ZDHHC17: variants seen among roughly 807,000 people sequenced by gnomAD.
The protein encoded by ZDHHC17 is zDHHC palmitoyltransferase 17.
In ZDHHC17, 40 loss-of-function variants were observed where a neutral mutation model predicts 90.3. The observed-to-expected ratio is 0.44, with a 90% CI of 0.34 to 0.58. ZDHHC17 has a LOEUF of 0.58. ZDHHC17 is among the 20% of genes least tolerant of loss of function. ZDHHC17 has a pLI of 0.01. For missense variants in ZDHHC17, 614 were observed against 780.8 expected (o/e 0.79, Z 2.55); for synonymous variants, 235 against 252.4 (o/e 0.93, Z 0.65).
At chr12:76,821,111 G>A (rs1261498651) in intron 7 of ZDHHC17, 5 of 1,288,128 alleles carry the variant, frequency 3.9e-6, no homozygotes, top group South Asian at 2.5e-5. Context: ...CAGCTGGACC[G>A]AGGCAACTGC....
intron 1 of ZDHHC17, among the ~76,000 whole-genome samples, chr12:76,780,004 A>G (rs898777794): frequency 6.6e-6 from 1 of 151,920 alleles, no homozygotes; most frequent in African/African-American, 2.4e-5. Context: ...TGTTTCATTG[A>G]TTTATGTATT....
intron 1 of ZDHHC17, among the ~76,000 whole-genome samples, chr12:76,782,694 G>T (rs1344810803): frequency 6.6e-6 from 1 of 152,154 alleles, no homozygotes; most frequent in East Asian, 1.9e-4. Flanking sequence ...GGGAAGTCTT[G>T]TCAGAGAAAG....
intron 10 of ZDHHC17, among the ~76,000 whole-genome samples, chr12:76,835,293 T>C (rs951723068): frequency 6.6e-6 from 1 of 152,090 alleles, no homozygotes; most frequent in African/African-American, 2.4e-5. Flanking sequence ...TCAAGTGATC[T>C]ACCTGCTGTG....
At chr12:76,764,374 G>A in intron 1 of ZDHHC17, 45 bp downstream of exon 1, 1 of 1,525,310 alleles carries the variant, frequency 6.6e-7, no homozygotes, top group Non-Finnish European at 8.9e-7. Flanking sequence ...CGGCCCTCCA[G>A]CCTTTCTTCC....
intron 1 of ZDHHC17, among the ~76,000 whole-genome samples, chr12:76,782,027 G>C (rs1952632917): frequency 6.6e-6 from 1 of 152,184 alleles, no homozygotes; most frequent in Admixed American, 6.5e-5. Flanking sequence ...GCATTATAAA[G>C]AGATGGTGTT....
rs752887312 is a variant in ZDHHC17 at position 76,815,222 on chromosome 12, C to G, written c.608+12C>G. On this transcript the variant is annotated intron_variant, in intron 6 of 16. Coordinates refer to ENST00000426126, the MANE Select transcript of ZDHHC17 (RefSeq NM_015336.4). ...TATAGAACACATAGGTATGTAATGA[C>G]TATAAAAAACTTATTTAGGCCATTT... is the stretch of plus-strand genomic sequence containing the variant. 3 of 1,531,722 alleles carry G rather than the reference C, an allele frequency of 2.0e-6. No individual in the cohort carries two copies. In the Admixed American group the frequency reaches 6.1e-5, roughly 31 times the overall value. 94.9% of individuals were successfully genotyped at this position (1,531,722 alleles called of 1,614,324 possible). A position where few individuals can be genotyped will look rare whatever the true frequency, so the allele number is the denominator to read the frequency against.
intron 7 of ZDHHC17, among the ~76,000 whole-genome samples, chr12:76,817,327 A>T (rs1357237925): frequency 2.6e-5 from 4 of 152,070 alleles, no homozygotes; most frequent in African/African-American, 9.7e-5. Context: ...TTTTTATCTG[A>T]ATTCAGAGTG....
intron 1 of ZDHHC17, among the ~76,000 whole-genome samples, chr12:76,776,944 T>C: frequency 6.6e-6 from 1 of 152,240 alleles, no homozygotes; most frequent in East Asian, 1.9e-4. Flanking sequence ...TTTCTTGAAC[T>C]TTTTAAAATA....
At chr12:76,779,310 CAT>C (rs1157504483) in intron 1 of ZDHHC17, among the ~76,000 whole-genome samples, 3 of 152,188 alleles carry the variant, frequency 2.0e-5, no homozygotes, top group Non-Finnish European at 1.5e-5. Flanking sequence ...CTAATAAAAA[CAT>C]ACCCAAGACG....
rs972820667 is a variant in ZDHHC17, at chr12:76,778,518, C to G, written c.93+14189C>G. ...GATTACAGGCATGAGCCACTGTGCC[C>G]TGCCGGGAAGTTTTAACTAGGCCAA... On this transcript the variant is annotated intron_variant, in intron 1 of 16. Transcript: ENST00000426126. Among the ~76,000 whole-genome samples the G allele has an allele frequency of 7.9e-5, 12 of 152,290 alleles. No individual in the cohort carries two copies. The East Asian group carries it at 2.3e-3, about 29-fold the overall frequency.
chr12:76,824,135 G>C (rs1369447824), intron 8 of ZDHHC17, among the ~76,000 whole-genome samples: 1 of 151,922 alleles, frequency 6.6e-6, no homozygotes, highest in Non-Finnish European at 1.5e-5. Context: ...ACAAATTTTA[G>C]ATGTTGCATT....
intron 1 of ZDHHC17, chr12:76,764,599 G>T (rs1952409091): frequency 3.6e-6 from 2 of 548,418 alleles, no homozygotes; most frequent in Admixed American, 3.0e-5. Flanking sequence ...CTGCTGTGTC[G>T]CCGCGCTGCG....
At chr12:76,828,335 C>T (rs2137786408) in intron 9 of ZDHHC17, 55 bp from the exon 10 acceptor site, 1 of 1,373,026 alleles carries the variant, frequency 7.3e-7, no homozygotes, top group Non-Finnish European at 9.9e-7. Context: ...TAAATAAATA[C>T]TCATTTTTAC....
At chr12:76,808,300 A>G (rs974853220) in intron 3 of ZDHHC17, among the ~76,000 whole-genome samples, 1 of 152,190 alleles carries the variant, frequency 6.6e-6, no homozygotes, top group African/African-American at 2.4e-5. Flanking sequence ...AAGCATTATA[A>G]TGAACAGCTA....
intron 3 of ZDHHC17, among the ~76,000 whole-genome samples, chr12:76,805,924 G>A (rs1234785756): frequency 6.6e-6 from 1 of 152,184 alleles, no homozygotes; most frequent in East Asian, 1.9e-4. Context: ...ACCAGCATAA[G>A]TGATGAATAC....
At chr12:76,776,202 A>G (rs1952557811) in intron 1 of ZDHHC17, among the ~76,000 whole-genome samples, 1 of 152,202 alleles carries the variant, frequency 6.6e-6, no homozygotes, top group African/African-American at 2.4e-5. Flanking sequence ...TTATTATCCT[A>G]ACATCCGATT....
At chr12:76,777,405 G>A (rs1214891770) in intron 1 of ZDHHC17, among the ~76,000 whole-genome samples, 1 of 152,180 alleles carries the variant, frequency 6.6e-6, no homozygotes, top group African/African-American at 2.4e-5. Context: ...CCACAGTATG[G>A]ATGTACCGTG....
At chr12:76,826,524 T>C (rs1302816960) in intron 8 of ZDHHC17, among the ~76,000 whole-genome samples, 1 of 152,178 alleles carries the variant, frequency 6.6e-6, no homozygotes, top group Admixed American at 6.5e-5. Flanking sequence ...GTGTTATAAT[T>C]CTTATACTAT....
chr12:76,845,522 T>C (rs1432958035), intron 12 of ZDHHC17, 187 bp from the exon 13 acceptor site: 2 of 313,160 alleles, frequency 6.4e-6, no homozygotes, highest in African/African-American at 4.3e-5. Flanking sequence ...TTTTATTCTT[T>C]GTTTTTGCAG....
Sources: gnomAD v4.1 joint callset for allele counts (sites outside exome capture counted in the v4.1 genomes callset) on GRCh38, gnomAD v4.1.1 for gene constraint, MANE v1.5 for transcripts, NCBI Gene and HGNC (gene_info 2026-07-23, HGNC 2026-07-21) for gene names.